CNTLN: variants seen among roughly 807,000 people sequenced by gnomAD.
CNTLN encodes centlein.
Under a neutral mutation model 180.0 loss-of-function variants are expected in CNTLN, and 212 were observed. The ratio of observed to expected loss-of-function variants is 1.18; its 90% CI spans 1.05 to 1.32. The LOEUF (loss-of-function observed/expected upper bound fraction) is 1.32, where lower values mean the gene tolerates loss of function less well. CNTLN is among the 40% of genes most tolerant of loss of function. CNTLN has a pLI of 0.00. For missense variants in CNTLN, 2,095 were observed against 1,610.9 expected, an observed-to-expected ratio of 1.30 and a Z score of -5.14; for synonymous variants, 722 against 563.1, an observed-to-expected ratio of 1.28 and a Z score of -3.99.
At position 17,386,804 on chromosome 9, in the gene CNTLN, T is replaced by A. The variant is rs369835148; in HGVS notation, c.1988-1358T>A. On this transcript the variant is annotated intron_variant, in intron 13 of 25. Coordinates refer to ENST00000380647, the MANE Select transcript of CNTLN (RefSeq NM_017738.4). ...TTGTTGGCATCCCATGCTCTTTGAA[T>A]ATAGAACTATTATTTTTAAGATGAA... 2.6e-5 allele frequency among the ~76,000 whole-genome samples: 4 copies of A among 152,244 alleles called. No homozygotes were observed. In the East Asian group the frequency reaches 7.7e-4, roughly 29 times the overall value.
At chr9:17,178,060 AGGGTGCTGATTG>A (rs1213097113) in intron 2 of CNTLN, among the ~76,000 whole-genome samples, 3 of 151,430 alleles carry the variant, frequency 2.0e-5, no homozygotes. Flanking sequence ...AGCTACACAC[AGGGTGCTGATTG>A]GTGTGTTTAC....
chr9:17,500,671 G>A (rs1287535787), intron 25 of CNTLN, among the ~76,000 whole-genome samples: 1 of 152,174 alleles, frequency 6.6e-6, no homozygotes, highest in Non-Finnish European at 1.5e-5. Flanking sequence ...TTTCCCAAAT[G>A]TATTTGATTA....
rs377119722 is a variant in CNTLN at position 17,490,483 on chromosome 9, C to T, written c.4119+3417C>T. On this transcript the variant is annotated intron_variant, in intron 25 of 25. Transcript: ENST00000380647. Reference sequence around the variant, plus strand: ...TTTTAGTTAAACAAAAGAAGTAAAGCCAGGCATAAAATGTTACATACTTTA... The same window carrying T: ...TTTTAGTTAAACAAAAGAAGTAAAGTCAGGCATAAAATGTTACATACTTTA... Among the ~76,000 whole-genome samples the T allele has an allele frequency of 3.6e-4, 54 of 151,882 alleles. No homozygotes were observed. The South Asian group carries it at 0.01, about 29-fold the overall frequency.
chr9:17,273,724 T>C lies in CNTLN; in HGVS notation c.850-9T>C. The C allele has an allele frequency of 2.1e-6, 3 of 1,454,136 alleles. No individual in the cohort carries two copies. Among genetic ancestry groups the C allele is most frequent in the Non-Finnish European group, 2.8e-6 (3 of 1,081,408 alleles). The allele number at this position is 1,454,136 out of a possible 1,614,324, so 90.1% of individuals were successfully genotyped here. A position where few individuals can be genotyped will look rare whatever the true frequency, so the allele number is the denominator to read the frequency against. On this transcript the variant is annotated splice_polypyrimidine_tract_variant and intron_variant, in intron 5 of 25. Transcript: ENST00000380647. ...TGTTTGATTATTGATATAAGCACTC[T>C]AATTTTAGACCTTTGAAGACAATTT...
intron 8 of CNTLN, 100 bp downstream of exon 8, chr9:17,309,352 T>C (rs911688240): frequency 3.1e-6 from 3 of 952,416 alleles, no homozygotes; most frequent in South Asian, 2.4e-5. Flanking sequence ...TTTGCATTTA[T>C]TGGAGTATAA....
At chr9:17,316,897 A>G (rs1432298192) in intron 8 of CNTLN, among the ~76,000 whole-genome samples, 5 of 152,098 alleles carry the variant, frequency 3.3e-5, no homozygotes, top group Non-Finnish European at 7.4e-5. Flanking sequence ...AATACATAAC[A>G]TTGTTCCTGT....
At chr9:17,366,986 T>C (rs1019570950) in intron 13 of CNTLN, among the ~76,000 whole-genome samples, 1 of 152,102 alleles carries the variant, frequency 6.6e-6, no homozygotes. Flanking sequence ...ACTCCAAATT[T>C]AAGAACTACC....
intron 2 of CNTLN, among the ~76,000 whole-genome samples, chr9:17,171,346 AGT>A (rs1316854929): frequency 6.6e-6 from 1 of 152,158 alleles, no homozygotes; most frequent in East Asian, 1.9e-4. Context: ...TGGGTACAAG[AGT>A]GCTGGCTGGA....
At chr9:17,361,850 C>T (rs1823418317) in intron 12 of CNTLN, among the ~76,000 whole-genome samples, 1 of 152,202 alleles carries the variant, frequency 6.6e-6, no homozygotes, top group Admixed American at 6.5e-5. Context: ...TGTTTCCTAT[C>T]ATTTGTCCAG....
intron 7 of CNTLN, among the ~76,000 whole-genome samples, chr9:17,305,729 T>TTG (rs1392857173): frequency 2.6e-5 from 4 of 152,178 alleles, no homozygotes; most frequent in Non-Finnish European, 5.9e-5. Flanking sequence ...CCAAGTTTAC[T>TTG]GCTGGACTGA....
At position 17,235,742 on chromosome 9, in the gene CNTLN, G is replaced by C. The variant is rs898138601; in HGVS notation, c.619G>C (p.Glu207Gln). ...VDEENAFLRK[E>Q]FSDLEKKFKD... ...TGAAGAAAATGCTTTCTTAAGGAAA[G>C]AATTCAGTGACTTGGAGAAGAAATT... The change falls in exon 4 of 26, where the codon GAA (glutamate) becomes CAA (glutamine). Residue 207 changes from glutamate (E) to glutamine (Q), a missense_variant. Coordinates refer to ENST00000380647, the MANE Select transcript of CNTLN (RefSeq NM_017738.4). The C allele has an allele frequency of 1.9e-6, 3 of 1,606,008 alleles. No homozygotes were observed. The highest frequency in any genetic ancestry group is 2.5e-6 in the Non-Finnish European group (3 of 1,176,676).
chr9:17,476,827 A>G (rs1215371756), intron 23 of CNTLN, among the ~76,000 whole-genome samples: 1 of 152,248 alleles, frequency 6.6e-6, no homozygotes, highest in Admixed American at 6.5e-5. Flanking sequence ...GCAGCAAGTT[A>G]TCCAAAAGAT....
chr9:17,440,968 G>T (rs974811666), intron 18 of CNTLN, among the ~76,000 whole-genome samples: 2 of 152,308 alleles, frequency 1.3e-5, no homozygotes, highest in Middle Eastern at 3.4e-3. Flanking sequence ...TGGGCATGAG[G>T]TTCTTTAGAA....
At chr9:17,291,706 T>C (rs1829422294) in intron 6 of CNTLN, among the ~76,000 whole-genome samples, 1 of 152,220 alleles carries the variant, frequency 6.6e-6, no homozygotes, top group Non-Finnish European at 1.5e-5. Context: ...TGTCTTTGCA[T>C]GTGAGATGGG....
At chr9:17,304,224 A>G (rs1429191270) in intron 7 of CNTLN, among the ~76,000 whole-genome samples, 1 of 152,154 alleles carries the variant, frequency 6.6e-6, no homozygotes, top group Non-Finnish European at 1.5e-5. Flanking sequence ...CATCAGTCTC[A>G]TATACAAGTC....
intron 12 of CNTLN, among the ~76,000 whole-genome samples, chr9:17,348,850 G>A (rs1587730096): frequency 6.6e-6 from 1 of 152,036 alleles, no homozygotes; most frequent in African/African-American, 2.4e-5. Context: ...TTTCATTGAC[G>A]GAGCATGGCT....
chr9:17,397,380 A>T (rs1165013409), intron 15 of CNTLN, among the ~76,000 whole-genome samples: 2 of 152,200 alleles, frequency 1.3e-5, no homozygotes, highest in Non-Finnish European at 2.9e-5. Context: ...TTTCCTGACT[A>T]TAGGCTAAAC....
chr9:17,346,964 C>T (rs1474278653), intron 12 of CNTLN, among the ~76,000 whole-genome samples: 3 of 152,086 alleles, frequency 2.0e-5, no homozygotes, highest in Non-Finnish European at 2.9e-5. Flanking sequence ...TCTATTGTGT[C>T]GTGTCTTCAA....
At chr9:17,490,587 T>C (rs1833109992) in intron 25 of CNTLN, among the ~76,000 whole-genome samples, 1 of 151,932 alleles carries the variant, frequency 6.6e-6, no homozygotes, top group South Asian at 2.1e-4. Context: ...TGGGGGGATA[T>C]AGAGAGTGAC....
Sources: gnomAD v4.1 joint callset for allele counts (sites outside exome capture counted in the v4.1 genomes callset) on GRCh38, gnomAD v4.1.1 for gene constraint, MANE v1.5 for transcripts, NCBI Gene and HGNC (gene_info 2026-07-23, HGNC 2026-07-21) for gene names.